The following MTUS2 variants were observed in gnomAD, a reference collection of about 807,000 sequenced individuals.
The protein encoded by MTUS2 is microtubule-associated tumor suppressor candidate 2.
In MTUS2, 40 loss-of-function variants were observed where a neutral mutation model predicts 114.1. The observed-to-expected ratio is 0.35, with a 90% CI of 0.27 to 0.46. MTUS2 has a LOEUF of 0.46. Among genes scored for constraint, MTUS2 ranks in the 20% least tolerant of loss-of-function variants. The pLI is 1.00. For synonymous variants in MTUS2, 688 were observed against 672.0 expected, an observed-to-expected ratio of 1.02 and a Z score of -0.37; for missense variants, 1,679 against 1,705.4, an observed-to-expected ratio of 0.98 and a Z score of 0.27.
chr13:28,986,655 TTAGA>T (rs1884601919), intron 2 of MTUS2, among the ~76,000 whole-genome samples: 1 of 152,178 alleles, frequency 6.6e-6, no homozygotes, highest in Admixed American at 6.5e-5. Flanking sequence ...AGTCCAAGTC[TTAGA>T]TGGAGGCTTG....
intron 8 of MTUS2, among the ~76,000 whole-genome samples, chr13:29,388,231 C>T (rs9508434): frequency 0.47 from 71,921 of 151,728 alleles, 19,177 homozygotes; most frequent in Admixed American, 0.6. Flanking sequence ...AGTTTAGCAC[C>T]GTGACAGGTA....
At chr13:29,237,653 T>C (rs1205965877) in intron 5 of MTUS2, among the ~76,000 whole-genome samples, 2 of 152,360 alleles carry the variant, frequency 1.3e-5, no homozygotes, top group East Asian at 3.9e-4. Context: ...CTTCTGTGAC[T>C]TCGATTCTCT....
At chr13:29,208,923 C>G (rs1895304958) in intron 5 of MTUS2, among the ~76,000 whole-genome samples, 1 of 152,036 alleles carries the variant, frequency 6.6e-6, no homozygotes, top group African/African-American at 2.4e-5. Flanking sequence ...AGAATGTTCT[C>G]TAAATATCTA....
chr13:29,007,276 T>C (rs757318535), intron 2 of MTUS2, among the ~76,000 whole-genome samples: 1 of 152,212 alleles, frequency 6.6e-6, no homozygotes, highest in Non-Finnish European at 1.5e-5. Context: ...AGGCTTATTA[T>C]AAGAAATTGC....
chr13:29,005,721 A>G (rs1242079420), intron 2 of MTUS2, among the ~76,000 whole-genome samples: 3 of 152,200 alleles, frequency 2.0e-5, no homozygotes, highest in African/African-American at 7.2e-5. Flanking sequence ...TTCTTTAGTA[A>G]TGATACGAAT....
chr13:29,239,962 G>GA (rs199973221), intron 5 of MTUS2: 49 of 149,918 alleles, frequency 3.3e-4, no homozygotes, highest in South Asian at 1.1e-3. Flanking sequence ...TGAAAATCTG[G>GA]AAAAAAAACA....
intron 7 of MTUS2, among the ~76,000 whole-genome samples, chr13:29,330,925 T>C (rs2138056320): frequency 6.6e-6 from 1 of 152,318 alleles, no homozygotes; most frequent in East Asian, 1.9e-4. Flanking sequence ...CAGGCTCTTT[T>C]TTGGTTCCAT....
At chr13:29,237,518 G>A (rs1252857662) in intron 5 of MTUS2, among the ~76,000 whole-genome samples, 1 of 152,090 alleles carries the variant, frequency 6.6e-6, no homozygotes, top group African/African-American at 2.4e-5. Context: ...CTGATTTTTG[G>A]TGGGTAAGTC....
intron 8 of MTUS2, among the ~76,000 whole-genome samples, chr13:29,392,140 A>AAC (rs398022126): frequency 5.3e-5 from 2 of 37,862 alleles, no homozygotes; most frequent in East Asian, 2.3e-3. Context: ...AAAAAAAAAA[A>AAC]CAAACCAAAA....
At chr13:29,114,760 C>A (rs902324137) in intron 5 of MTUS2, among the ~76,000 whole-genome samples, 40 of 152,170 alleles carry the variant, frequency 2.6e-4, no homozygotes, top group Non-Finnish European at 7.3e-5. Flanking sequence ...CCTCCCCAGG[C>A]AGGGATGCAA....
chr13:29,096,369 C>G (rs1181355520), intron 4 of MTUS2, among the ~76,000 whole-genome samples: 2 of 152,196 alleles, frequency 1.3e-5, no homozygotes, highest in Non-Finnish European at 2.9e-5. Flanking sequence ...CTATAATTTT[C>G]TACAGTGTCC....
chr13:28,839,289 G>T (rs979039702), intron 1 of MTUS2, among the ~76,000 whole-genome samples: 6 of 152,034 alleles, frequency 3.9e-5, no homozygotes, highest in African/African-American at 1.4e-4. Flanking sequence ...AGCTACTCTG[G>T]TTTTTTATTG....
At chr13:29,037,575 A>C (rs963848384) in intron 4 of MTUS2, among the ~76,000 whole-genome samples, 1 of 152,016 alleles carries the variant, frequency 6.6e-6, no homozygotes, top group African/African-American at 2.4e-5. Context: ...TAGGTTGGGG[A>C]AGTTCTCCTG....
At chr13:28,874,165 C>T (rs1877791396) in intron 2 of MTUS2, among the ~76,000 whole-genome samples, 1 of 152,006 alleles carries the variant, frequency 6.6e-6, no homozygotes, top group Non-Finnish European at 1.5e-5. Flanking sequence ...TTACAGGCAC[C>T]CGCCACCATG....
chr13:29,218,638 A>C (rs1455355715), intron 5 of MTUS2, among the ~76,000 whole-genome samples: 2 of 152,194 alleles, frequency 1.3e-5, no homozygotes, highest in African/African-American at 2.4e-5. Context: ...CACAGAATGG[A>C]TATTGTGTTA....
chr13:29,368,511 A>C (rs1374587690), intron 8 of MTUS2, among the ~76,000 whole-genome samples: 1 of 152,196 alleles, frequency 6.6e-6, no homozygotes, highest in Non-Finnish European at 1.5e-5. Flanking sequence ...CACCACAAAG[A>C]AATGATAAAT....
intron 6 of MTUS2, chr13:29,307,842 G>C (rs1899547646): frequency 1.4e-6 from 1 of 694,940 alleles, no homozygotes; most frequent in Non-Finnish European, 2.6e-6. Context: ...GGCCTTCACT[G>C]CTGGGGGACA....
chr13:28,835,542 G>T (rs1175289063), intron 1 of MTUS2, among the ~76,000 whole-genome samples: 1 of 152,132 alleles, frequency 6.6e-6, no homozygotes, highest in Admixed American at 6.6e-5. Flanking sequence ...GGTTTCTTTG[G>T]GGGGTGATGA....
chr13:29,471,751 G>A (rs763090060), intron 9 of MTUS2, among the ~76,000 whole-genome samples: 1 of 103,016 alleles, frequency 9.7e-6, no homozygotes, highest in African/African-American at 3.5e-5. Flanking sequence ...AGCCCCCCCC[G>A]ACACATTGAT....
Sources: gnomAD v4.1 joint callset for allele counts (sites outside exome capture counted in the v4.1 genomes callset) on GRCh38, gnomAD v4.1.1 for gene constraint, MANE v1.5 for transcripts, NCBI Gene and HGNC (gene_info 2026-07-23, HGNC 2026-07-21) for gene names.